RBFOX1: variants seen among roughly 807,000 people sequenced by gnomAD.
RBFOX1 encodes RNA binding fox-1 homolog 1, also known as RNA binding protein fox-1 homolog 1.
In RBFOX1, 8 loss-of-function variants were observed where a neutral mutation model predicts 57.7. The ratio of observed to expected loss-of-function variants is 0.14; its 90% CI spans 0.08 to 0.25. The LOEUF (loss-of-function observed/expected upper bound fraction) is 0.25, where lower values mean the gene tolerates loss of function less well. RBFOX1 is among the 10% of genes least tolerant of loss of function. The pLI is 1.00. For missense variants in RBFOX1, 611 were observed against 548.5 expected, an observed-to-expected ratio of 1.11 and a Z score of -1.14; for synonymous variants, 326 against 222.4, an observed-to-expected ratio of 1.47 and a Z score of -4.15.
chr16:6,567,210 G>A (rs551713764), intron 2 of RBFOX1, among the ~76,000 whole-genome samples: 1 of 152,286 alleles, frequency 6.6e-6, no homozygotes, highest in South Asian at 2.1e-4. Context: ...TTTAAATGGG[G>A]AATGATGAAT....
chr16:7,307,630 T>C (rs971480706), intron 4 of RBFOX1, among the ~76,000 whole-genome samples: 4 of 152,240 alleles, frequency 2.6e-5, no homozygotes, highest in African/African-American at 7.2e-5. Context: ...TCCAAGATGT[T>C]ACTACAGTTT....
chr16:7,273,075 C>T lies in RBFOX1; in HGVS notation c.27+220977C>T, dbSNP rs534180428. ...CCCTCCCTCCTTCCCTCCCTCCTTC[C>T]ATCCTTCCGCTCTCCCTCCCTCCCT... is the stretch of plus-strand genomic sequence containing the variant. On this transcript the variant is annotated intron_variant, in intron 4 of 15. Transcript: ENST00000550418. Among the ~76,000 whole-genome samples, 17 of 125,130 alleles carry T rather than the reference C, an allele frequency of 1.4e-4. 3 individuals are homozygous for T. Among genetic ancestry groups the T allele is most frequent in the African/African-American group, 5.3e-4 (16 of 30,326 alleles). The allele number at this position is 125,130 out of a possible 152,430, so 82.1% of individuals were successfully genotyped here. A position where few individuals can be genotyped will look rare whatever the true frequency, so the allele number is the denominator to read the frequency against.
chr16:7,310,762 A>T (rs971343819), intron 4 of RBFOX1, among the ~76,000 whole-genome samples: 1 of 152,192 alleles, frequency 6.6e-6, no homozygotes, highest in Admixed American at 6.5e-5. Context: ...GTGGAACTAA[A>T]TGTGTATTCA....
At chr16:6,153,551 C>A (rs7193831) in intron 1 of RBFOX1, among the ~76,000 whole-genome samples, 4,391 of 151,776 alleles carry the variant, frequency 0.029, 201 homozygotes, top group African/African-American at 0.098. Flanking sequence ...TTTTTTCCCC[C>A]TTGGGATGGA....
At chr16:6,799,217 C>T (rs879547763) in intron 3 of RBFOX1, among the ~76,000 whole-genome samples, 5 of 151,930 alleles carry the variant, frequency 3.3e-5, no homozygotes, top group Non-Finnish European at 7.4e-5. Context: ...TAGGGGAAAC[C>T]GTGCACAGCA....
At chr16:6,566,438 TC>T (rs2097267073) in intron 2 of RBFOX1, among the ~76,000 whole-genome samples, 1 of 152,170 alleles carries the variant, frequency 6.6e-6, no homozygotes, top group Admixed American at 6.5e-5. Context: ...ATTTTTTTTT[TC>T]TTCTCTTCTT....
At chr16:7,034,827 C>CTTTTTTTTTTTCTT (rs2043824001) in intron 3 of RBFOX1, among the ~76,000 whole-genome samples, 1 of 54,114 alleles carries the variant, frequency 1.8e-5, no homozygotes, top group Non-Finnish European at 3.1e-5. Context: ...TATTGCATTA[C>CTTTTTTTTTTTCTT]TTTTTTTTTT....
intron 4 of RBFOX1, among the ~76,000 whole-genome samples, chr16:7,344,130 T>G (rs1603625816): frequency 1.5e-5 from 2 of 133,412 alleles, no homozygotes; most frequent in East Asian, 2.3e-4. Flanking sequence ...TTTTTTTAAC[T>G]CCTAAGCTAC....
intron 1 of RBFOX1, among the ~76,000 whole-genome samples, chr16:5,256,899 A>C (rs572408893): frequency 2.0e-5 from 3 of 151,630 alleles, no homozygotes; most frequent in Non-Finnish European, 4.4e-5. Flanking sequence ...GCGCCACTGC[A>C]CTCCAGCCTG....
chr16:7,338,209 C>G (rs1225517154), intron 4 of RBFOX1, among the ~76,000 whole-genome samples: 1 of 151,874 alleles, frequency 6.6e-6, no homozygotes, highest in African/African-American at 2.4e-5. Context: ...TCCCCACCCC[C>G]ACCTAAGCAT....
At chr16:5,538,619 C>CT (rs59757856) in intron 2 of RBFOX1, among the ~76,000 whole-genome samples, 244 of 126,960 alleles carry the variant, frequency 1.9e-3, no homozygotes, top group African/African-American at 4.4e-3. Context: ...TTTATTTCTT[C>CT]TTTTTTTTTT....
rs180789736 is a variant in RBFOX1, at chr16:7,519,667, G to A, written c.270+1278G>A. ...GAACCTTTTTCTGCAGAATTCTTTA[G>A]AAGCTTGGGAACCCCAATCCTGTCG... is the stretch of plus-strand genomic sequence containing the variant. On this transcript the variant is annotated intron_variant, in intron 5 of 15. Coordinates refer to ENST00000550418, the MANE Select transcript of RBFOX1 (RefSeq NM_018723.4). 9.1e-6 allele frequency: 9 copies of A among 984,906 alleles called. No homozygotes were observed. The Admixed American group carries it at 5.5e-4, about 61-fold the overall frequency. 61.0% of individuals were successfully genotyped at this position (984,906 alleles called of 1,614,324 possible).
chr16:5,653,131 C>T (rs963210298), intron 3 of RBFOX1, among the ~76,000 whole-genome samples: 42 of 151,874 alleles, frequency 2.8e-4, no homozygotes, highest in African/African-American at 9.9e-4. Context: ...GGTGCTGAGC[C>T]GTGTGCTGGC....
At chr16:6,983,123 A>C (rs1263711306) in intron 3 of RBFOX1, among the ~76,000 whole-genome samples, 2 of 151,916 alleles carry the variant, frequency 1.3e-5, no homozygotes, top group African/African-American at 2.4e-5. Context: ...CAGATACCAA[A>C]ACTCTTAGCT....
At chr16:5,487,273 T>C (rs1014256766) in intron 2 of RBFOX1, among the ~76,000 whole-genome samples, 15 of 152,186 alleles carry the variant, frequency 9.9e-5, no homozygotes, top group African/African-American at 3.4e-4. Context: ...AGAAGAACCA[T>C]CTTGTTGTCT....
At chr16:7,010,926 C>A (rs1042756090) in intron 3 of RBFOX1, among the ~76,000 whole-genome samples, 1 of 152,184 alleles carries the variant, frequency 6.6e-6, no homozygotes, top group Non-Finnish European at 1.5e-5. Flanking sequence ...AGTTCTCCCA[C>A]CAAAGTGAGT....
chr16:7,040,273 C>T (rs76977985), intron 3 of RBFOX1, among the ~76,000 whole-genome samples: 10,849 of 152,094 alleles, frequency 0.071, 679 homozygotes, highest in East Asian at 0.32. Context: ...CCTGCCTCAG[C>T]CTCCCAAAGT....
chr16:6,835,383 A>AG (rs2093018340), intron 3 of RBFOX1, among the ~76,000 whole-genome samples: 1 of 152,208 alleles, frequency 6.6e-6, no homozygotes, highest in Non-Finnish European at 1.5e-5. Context: ...GAAAAGATAT[A>AG]GGACCTGTAT....
At chr16:6,919,362 C>G (rs1364970263) in intron 3 of RBFOX1, among the ~76,000 whole-genome samples, 1 of 152,102 alleles carries the variant, frequency 6.6e-6, no homozygotes, top group Non-Finnish European at 1.5e-5. Context: ...TAATTCCTCA[C>G]AACAGCCCAG....
Sources: allele counts gnomAD v4.1 joint callset (sites outside exome capture counted in the v4.1 genomes callset), GRCh38; gene constraint gnomAD v4.1.1; transcripts MANE v1.5; gene names NCBI Gene and HGNC (gene_info 2026-07-23, HGNC 2026-07-21).